The following SIK3 variants were observed in gnomAD, a reference collection of about 807,000 sequenced individuals.
SIK3 encodes serine/threonine-protein kinase SIK3.
A neutral mutation model predicts 144.2 loss-of-function variants in SIK3; 28 were observed. The observed-to-expected ratio is 0.19, with a 90% confidence interval of 0.14 to 0.27. The LOEUF is 0.27. SIK3 is among the 10% of genes least tolerant of loss of function. The probability of loss-of-function intolerance (pLI) is 1.00; values close to 1 mark genes in which losing one functional copy is unlikely to be tolerated. For missense variants in SIK3, 1,319 were observed against 1,776.0 expected (o/e 0.74, Z 4.62); for synonymous variants, 686 against 676.3 (o/e 1.01, Z -0.22).
At chr11:116,955,731 G>A (rs1284241572) in intron 2 of SIK3, among the ~76,000 whole-genome samples, 1 of 152,196 alleles carries the variant, frequency 6.6e-6, no homozygotes, top group Non-Finnish European at 1.5e-5. Flanking sequence ...TCTTCAGGCA[G>A]CACCAGGAAG....
intron 1 of SIK3, among the ~76,000 whole-genome samples, chr11:117,003,432 G>T (rs1950927977): frequency 6.6e-6 from 1 of 152,086 alleles, no homozygotes; most frequent in South Asian, 2.1e-4. Context: ...TAAAATGAGG[G>T]TAATAAAAGT....
chr11:116,867,783 C>A lies in SIK3; in HGVS notation c.1952+163G>T, dbSNP rs1044339048. 8.1e-5 allele frequency: 52 copies of A among 639,374 alleles called. No homozygotes were observed. Among genetic ancestry groups the A allele is most frequent in the Non-Finnish European group, 1.2e-4 (49 of 400,640 alleles). 39.6% of individuals were successfully genotyped at this position (639,374 alleles called of 1,614,324 possible). A position where few individuals can be genotyped will look rare whatever the true frequency, so the allele number is the denominator to read the frequency against. ...CCAGGGCGCAGTAAAAAACCTTTGC[C>A]CTGTGCATTGCTTACTGCAAGGAGC... On this transcript the variant is annotated intron_variant, in intron 15 of 24. Transcript: ENST00000445177. This position sits in a 1 kb window ranked among gnomAD's most constrained non-coding sequence, Gnocchi z 4.1.
intron 4 of SIK3, among the ~76,000 whole-genome samples, chr11:116,922,482 T>C (rs1947043085): frequency 6.6e-6 from 1 of 152,090 alleles, no homozygotes; most frequent in Non-Finnish European, 1.5e-5. Context: ...GGTAACCCAG[T>C]TTCTTAAAAA....
At chr11:117,071,503 A>G (rs1390040413) in intron 1 of SIK3, among the ~76,000 whole-genome samples, 2 of 152,060 alleles carry the variant, frequency 1.3e-5, no homozygotes, top group African/African-American at 2.4e-5. Flanking sequence ...ACGAATCCCA[A>G]TGTCTGGCAC....
At position 116,858,068 on chromosome 11, in the gene SIK3, G is replaced by A. The variant is rs753294328; in HGVS notation, c.3397C>T (p.His1133Tyr). Residue 1133 changes from histidine to tyrosine, a missense_variant, in exon 21 of 25, where the codon CAC becomes TAC. His to Tyr is a moderately conservative substitution (Grantham distance 83). Around this residue, in one of 8 missense-constraint regions of SIK3, gnomAD observed 646 missense variants for 763.7 expected, o/e 0.85. Coordinates refer to ENST00000445177, the MANE Select transcript of SIK3 (RefSeq NM_001366686.3). This position sits in a 1 kb window ranked among gnomAD's most constrained non-coding sequence, Gnocchi z 5.4. Reference protein sequence around the residue: ...SSPTPPHGYAHQPALMHSESM... With the variant: ...SSPTPPHGYAYQPALMHSESM... ...TCTGAATGCATCAGTGCCGGCTGGT[G>A]AGCATACCCGTGGGGCGGGGTGGGT... 8.1e-6 allele frequency: 13 copies of A among 1,613,696 alleles called. No homozygotes were observed. Among genetic ancestry groups the A allele is most frequent in the Admixed American group, 1.7e-5 (1 of 60,006 alleles).
chr11:116,994,181 C>T (rs1447768773), intron 1 of SIK3, among the ~76,000 whole-genome samples: 1 of 152,160 alleles, frequency 6.6e-6, no homozygotes, highest in Non-Finnish European at 1.5e-5. Flanking sequence ...TATTGAATTA[C>T]AAAGTGTTAT....
At chr11:117,068,290 C>T (rs368906613) in intron 1 of SIK3, among the ~76,000 whole-genome samples, 27 of 152,186 alleles carry the variant, frequency 1.8e-4, no homozygotes, top group South Asian at 6.2e-4. Flanking sequence ...ATGAAATGAC[C>T]CCATCCTACC....
chr11:116,941,408 T>TA (rs11339061), intron 3 of SIK3, among the ~76,000 whole-genome samples: 85 of 142,736 alleles, frequency 6.0e-4, no homozygotes, highest in South Asian at 3.8e-3. Flanking sequence ...TAAAAACATG[T>TA]AAAAAAAAAA....
intron 1 of SIK3, among the ~76,000 whole-genome samples, chr11:117,022,073 T>C (rs968025351): frequency 1.3e-5 from 2 of 149,740 alleles, no homozygotes; most frequent in East Asian, 3.9e-4. Context: ...ACAAAGAAAA[T>C]ATTAGTTTTA....
chr11:116,869,864 G>A, intron 14 of SIK3: 1 of 314,374 alleles, frequency 3.2e-6, no homozygotes, highest in East Asian at 8.3e-5. Flanking sequence ...ACAAGGGGGT[G>A]GAAGAAGCAC....
At chr11:117,055,180 C>G (rs1165247853) in intron 1 of SIK3, among the ~76,000 whole-genome samples, 4 of 152,146 alleles carry the variant, frequency 2.6e-5, no homozygotes, top group Admixed American at 6.6e-5. Context: ...TCTGGGGAGG[C>G]ATCCAAATGT....
chr11:116,870,454 C>T (rs1943909469), intron 13 of SIK3, 53 bp from the exon 14 acceptor site: 1 of 1,610,948 alleles, frequency 6.2e-7, no homozygotes, highest in African/African-American at 1.3e-5. Flanking sequence ...TCTGTCATGC[C>T]TCTTACTCTA....
At chr11:116,956,776 C>T (rs765600771) in intron 2 of SIK3, among the ~76,000 whole-genome samples, 172 bp downstream of exon 2, 1 of 152,106 alleles carries the variant, frequency 6.6e-6, no homozygotes, top group Non-Finnish European at 1.5e-5. Context: ...CCAGGGGAAA[C>T]TTGAGGATAC....
intron 1 of SIK3, among the ~76,000 whole-genome samples, chr11:117,046,618 C>T (rs1021544662): frequency 3.9e-5 from 6 of 152,122 alleles, no homozygotes; most frequent in African/African-American, 1.4e-4. Flanking sequence ...GTGGCTCACG[C>T]CCATAATCCC....
intron 21 of SIK3, among the ~76,000 whole-genome samples, chr11:116,850,233 C>T (rs993559952): frequency 6.6e-6 from 1 of 152,220 alleles, no homozygotes; most frequent in African/African-American, 2.4e-5. Flanking sequence ...CAAAGACCAA[C>T]CGTTCTGTAG....
Position 117,098,371 on chromosome 11 carries a change from G to T in SIK3, c.45C>A (p.Ala15=). 1 of 1,169,994 alleles carries T rather than the reference G, an allele frequency of 8.5e-7. No individual in the cohort carries two copies. The highest frequency in any genetic ancestry group is 1.1e-6 in the Non-Finnish European group (1 of 950,126). The allele number at this position is 1,169,994 out of a possible 1,614,324, so 72.5% of individuals were successfully genotyped here. A position where few individuals can be genotyped will look rare whatever the true frequency, so the allele number is the denominator to read the frequency against. ...CCGCGGGCCCGGCTCCCCCAGTCCC[G>T]GCCCCGGCAGCCCCGCCAGCTCCGC... The part of the protein sequence containing the change: ...AASGAGGAAG[A]GTGGAGPAGR... Residue 15 remains alanine (A), a synonymous_variant, in exon 1 of 25, where the codon GCC becomes GCA. Transcript: ENST00000445177.
At chr11:117,094,239 T>C (rs1305181944) in intron 1 of SIK3, among the ~76,000 whole-genome samples, 2 of 152,204 alleles carry the variant, frequency 1.3e-5, no homozygotes, top group Admixed American at 6.5e-5. Flanking sequence ...GCAAGTGATA[T>C]ATATTTGTTG....
chr11:117,004,507 C>A (rs1368905679), intron 1 of SIK3, among the ~76,000 whole-genome samples: 1 of 151,968 alleles, frequency 6.6e-6, no homozygotes, highest in East Asian at 1.9e-4. Context: ...CAAAGTGAGA[C>A]CCTGTCTCCA....
intron 13 of SIK3, 67 bp downstream of exon 13, chr11:116,873,414 C>T (rs1482503654): frequency 2.5e-6 from 4 of 1,610,972 alleles, no homozygotes; most frequent in Non-Finnish European, 3.4e-6. Flanking sequence ...GGTTCCCAAC[C>T]CCAGGCTCAC....
Sources: allele counts gnomAD v4.1 joint callset (sites outside exome capture counted in the v4.1 genomes callset), GRCh38; gene constraint gnomAD v4.1.1; regional missense constraint gnomAD v4.1.1; non-coding constraint Gnocchi (gnomAD v3.1); transcripts MANE v1.5; gene names NCBI Gene and HGNC (gene_info 2026-07-23, HGNC 2026-07-21).